The following ATXN1 variants were observed in gnomAD, a reference collection of about 807,000 sequenced individuals.
ATXN1 encodes the protein ataxin-1.
In ATXN1, 8 loss-of-function variants were observed where a neutral mutation model predicts 56.4. The ratio of observed to expected loss-of-function variants is 0.14; its 90% CI spans 0.08 to 0.26. The LOEUF is 0.26. ATXN1 is among the 10% of genes least tolerant of loss of function. The probability of loss-of-function intolerance (pLI) is 1.00; values close to 1 mark genes in which losing one functional copy is unlikely to be tolerated. For synonymous variants in ATXN1, 514 were observed against 494.6 expected, an observed-to-expected ratio of 1.04 and a Z score of -0.52; for missense variants, 987 against 1,106.5, an observed-to-expected ratio of 0.89 and a Z score of 1.53.
At chr6:16,704,545 ATCTCTTCCCCAG>A (rs1368608396) in intron 2 of ATXN1, among the ~76,000 whole-genome samples, 1 of 152,204 alleles carries the variant, frequency 6.6e-6, no homozygotes, top group Non-Finnish European at 1.5e-5. Context: ...CTTTCAACAC[ATCTCTTCCCCAG>A]CACTTGAAAA....
chr6:16,455,725 A>T (rs1759853696), intron 6 of ATXN1, among the ~76,000 whole-genome samples: 1 of 152,196 alleles, frequency 6.6e-6, no homozygotes, highest in African/African-American at 2.4e-5. Flanking sequence ...TTCAGGCCAT[A>T]AAAATGAGAG....
At chr6:16,353,932 C>G (rs1298435304) in intron 6 of ATXN1, among the ~76,000 whole-genome samples, 1 of 150,154 alleles carries the variant, frequency 6.7e-6, no homozygotes, top group East Asian at 2.0e-4. Context: ...ACCTAGGAAT[C>G]TGTATTTTAA....
intron 4 of ATXN1, among the ~76,000 whole-genome samples, chr6:16,550,153 T>TAAA (rs1194433906): frequency 2.9e-5 from 1 of 34,196 alleles, no homozygotes; most frequent in Admixed American, 3.6e-4. Flanking sequence ...ATAAATAAAA[T>TAAA]ACAAAAAAAA....
chr6:16,387,604 C>T lies in ATXN1; in HGVS notation c.-160-59134G>A, dbSNP rs145598374. Among the ~76,000 whole-genome samples the T allele has an allele frequency of 5.4e-3, 817 of 152,246 alleles. 3 individuals carry two copies. The highest frequency in any genetic ancestry group is 8.4e-3 in the Non-Finnish European group (571 of 67,994). On this transcript the variant is annotated intron_variant, in intron 6 of 7. Coordinates refer to ENST00000436367, the MANE Select transcript of ATXN1 (RefSeq NM_001128164.2). ...TTGGGATGAGTAGGTAGGGATGAAC[C>T]GGGAGTGCTTGTTGTGTTGTCATGA...
chr6:16,605,942 A>C (rs2047278130), intron 3 of ATXN1, among the ~76,000 whole-genome samples: 1 of 152,186 alleles, frequency 6.6e-6, no homozygotes, highest in Non-Finnish European at 1.5e-5. Context: ...AGCCTGGGAA[A>C]CATGTGAGAC....
chr6:16,361,486 A>G (rs1001518330), intron 6 of ATXN1, among the ~76,000 whole-genome samples: 4 of 152,210 alleles, frequency 2.6e-5, no homozygotes, highest in Non-Finnish European at 5.9e-5. Context: ...TTGAGGAAAT[A>G]TCTGATGGAT....
At chr6:16,707,358 C>A (rs1032397214) in intron 2 of ATXN1, among the ~76,000 whole-genome samples, 1 of 152,148 alleles carries the variant, frequency 6.6e-6, no homozygotes, top group Non-Finnish European at 1.5e-5. Flanking sequence ...CCATCAACTT[C>A]TCTTTTTCTC....
chr6:16,357,963 A>G (rs1386070889), intron 6 of ATXN1, among the ~76,000 whole-genome samples: 1 of 152,214 alleles, frequency 6.6e-6, no homozygotes, highest in Non-Finnish European at 1.5e-5. Context: ...AACTCTCCTG[A>G]AAGGACCAAG....
rs950000904 is a variant in ATXN1, at chr6:16,699,644, T to C, written c.-614-41743A>G. On this transcript the variant is annotated intron_variant, in intron 2 of 7. Coordinates refer to ENST00000436367, the MANE Select transcript of ATXN1 (RefSeq NM_001128164.2). ...CAGGGAGAGGTAAGCCAACCTACACTGCATGAGCCAGCAGAGCAGACACTG... is the reference window on the plus strand; with the variant it reads ...CAGGGAGAGGTAAGCCAACCTACACCGCATGAGCCAGCAGAGCAGACACTG... 3.3e-5 allele frequency among the ~76,000 whole-genome samples: 5 copies of C among 152,288 alleles called. No individual in the cohort carries two copies. The East Asian group carries it at 7.7e-4, about 23-fold the overall frequency.
chr6:16,405,765 T>C (rs1370238296), intron 6 of ATXN1, among the ~76,000 whole-genome samples: 1 of 152,192 alleles, frequency 6.6e-6, no homozygotes, highest in Admixed American at 6.5e-5. Flanking sequence ...ACTTGCCTAA[T>C]ATTTGTGCAT....
chr6:16,677,601 C>T (rs922335682), intron 2 of ATXN1, among the ~76,000 whole-genome samples: 1 of 152,094 alleles, frequency 6.6e-6, no homozygotes, highest in Non-Finnish European at 1.5e-5. Context: ...TTGCCTGTAT[C>T]TTGCTTCATT....
At chr6:16,409,803 ATG>A (rs1278964636) in intron 6 of ATXN1, among the ~76,000 whole-genome samples, 1 of 145,150 alleles carries the variant, frequency 6.9e-6, no homozygotes, top group East Asian at 4.1e-4. Flanking sequence ...ACAGCCTCAC[ATG>A]TCTTGGTTTG....
chr6:16,603,421 G>A (rs1333410619), intron 3 of ATXN1, among the ~76,000 whole-genome samples: 1 of 152,076 alleles, frequency 6.6e-6, no homozygotes, highest in East Asian at 1.9e-4. Context: ...CTGTAATAAA[G>A]TTCTCATGGG....
intron 4 of ATXN1, among the ~76,000 whole-genome samples, chr6:16,525,520 G>T (rs1761373764): frequency 6.6e-6 from 1 of 152,110 alleles, no homozygotes; most frequent in Non-Finnish European, 1.5e-5. Context: ...GCTACCAAAG[G>T]CTGGGAAGGG....
At chr6:16,721,114 T>C (rs1466288934) in intron 2 of ATXN1, among the ~76,000 whole-genome samples, 4 of 152,230 alleles carry the variant, frequency 2.6e-5, no homozygotes, top group Admixed American at 1.3e-4. Flanking sequence ...AACCAGAAGA[T>C]GGTTCCCTTA....
intron 2 of ATXN1, among the ~76,000 whole-genome samples, chr6:16,714,091 G>C (rs1422124803): frequency 1.3e-5 from 2 of 151,398 alleles, no homozygotes; most frequent in Non-Finnish European, 2.9e-5. Flanking sequence ...GGAGGCGGAG[G>C]TTGCAGTGAG....
At chr6:16,559,904 A>T (rs1398238470) in intron 4 of ATXN1, among the ~76,000 whole-genome samples, 1 of 152,168 alleles carries the variant, frequency 6.6e-6, no homozygotes, top group African/African-American at 2.4e-5. Flanking sequence ...ACTGCCCAGG[A>T]AACTGATTTC....
intron 3 of ATXN1, among the ~76,000 whole-genome samples, chr6:16,597,772 T>C (rs1336210664): frequency 6.6e-6 from 1 of 152,158 alleles, no homozygotes; most frequent in Non-Finnish European, 1.5e-5. Context: ...GAGAAACATA[T>C]TCCTAAATGC....
Position 16,750,734 on chromosome 6 carries a change from T to G in ATXN1, c.-615+2499A>C, listed in dbSNP as rs187802603. ...TTGACCAAGAGATATGACTTTTTGC[T>G]GCCTGTTTTTTCACAATAAAATTCT... On this transcript the variant is annotated intron_variant, in intron 2 of 7. Coordinates refer to ENST00000436367, the MANE Select transcript of ATXN1 (RefSeq NM_001128164.2). 1.3e-4 allele frequency among the ~76,000 whole-genome samples: 20 copies of G among 152,332 alleles called. No homozygotes were observed. In the East Asian group the frequency reaches 3.9e-3, roughly 29 times the overall value.
Sources: gnomAD v4.1 joint callset for allele counts (sites outside exome capture counted in the v4.1 genomes callset) on GRCh38, gnomAD v4.1.1 for gene constraint, MANE v1.5 for transcripts, NCBI Gene and HGNC (gene_info 2026-07-23, HGNC 2026-07-21) for gene names.